The following MAP2 variants were observed in gnomAD, a reference collection of about 807,000 sequenced individuals.
The protein encoded by MAP2 is microtubule-associated protein 2.
Under a neutral mutation model 137.6 loss-of-function variants are expected in MAP2, and 14 were observed. The observed-to-expected ratio is 0.10, with a 90% CI of 0.07 to 0.16. MAP2 has a LOEUF of 0.16. MAP2 is among the 10% of genes least tolerant of loss of function. The pLI is 1.00. For synonymous variants in MAP2, 786 were observed against 782.3 expected, an observed-to-expected ratio of 1.00 and a Z score of -0.08; for missense variants, 2,088 against 2,191.5, an observed-to-expected ratio of 0.95 and a Z score of 0.94.
intron 1 of MAP2, among the ~76,000 whole-genome samples, chr2:209,505,043 TCTCTTTTTTCCTTTA>T (rs1031351453): frequency 6.6e-6 from 1 of 151,984 alleles, no homozygotes; most frequent in African/African-American, 2.4e-5. Context: ...TATTTTTTCT[TCTCTTTTTTCCTTTA>T]CTCTCCTAGT....
intron 1 of MAP2, among the ~76,000 whole-genome samples, chr2:209,496,029 C>T (rs185642639): frequency 5.8e-4 from 89 of 152,308 alleles, no homozygotes; most frequent in Non-Finnish European, 1.1e-3. Flanking sequence ...ATTGTTACGG[C>T]AGCTACAGCA....
chr2:209,448,594 A>G (rs947191485), intron 1 of MAP2, among the ~76,000 whole-genome samples: 10 of 152,262 alleles, frequency 6.6e-5, no homozygotes, highest in African/African-American at 2.2e-4. Context: ...GTCCCTATAG[A>G]GGTTCCAGGG....
chr2:209,466,965 G>A (rs1704283101), intron 1 of MAP2, among the ~76,000 whole-genome samples: 1 of 152,100 alleles, frequency 6.6e-6, no homozygotes. Context: ...TTTCTCTTGA[G>A]TGTGCCACTG....
intron 2 of MAP2, among the ~76,000 whole-genome samples, chr2:209,515,630 C>T (rs1307134902): frequency 2.0e-5 from 3 of 152,054 alleles, no homozygotes; most frequent in Non-Finnish European, 2.9e-5. Context: ...CCCACCTGGT[C>T]CCTCCCCTGA....
At chr2:209,580,142 A>G (rs193158469) in intron 3 of MAP2, 42 bp downstream of exon 3, 1 of 152,068 alleles carries the variant, frequency 6.6e-6, no homozygotes, top group East Asian at 1.9e-4. Context: ...AGGGAAAATC[A>G]GGGGAGAATT....
At chr2:209,501,688 T>C (rs2150123066) in intron 1 of MAP2, among the ~76,000 whole-genome samples, 1 of 152,306 alleles carries the variant, frequency 6.6e-6, no homozygotes, top group East Asian at 1.9e-4. Context: ...TTGACCTGTG[T>C]GTTTGAAATG....
chr2:209,480,846 T>C (rs1414894182), intron 1 of MAP2, among the ~76,000 whole-genome samples: 1 of 152,138 alleles, frequency 6.6e-6, no homozygotes, highest in Non-Finnish European at 1.5e-5. Context: ...AGTCTTGTTC[T>C]TCCTTCTTTC....
intron 3 of MAP2, among the ~76,000 whole-genome samples, chr2:209,623,683 A>G (rs1174349968): frequency 6.6e-6 from 1 of 152,100 alleles, no homozygotes; most frequent in Non-Finnish European, 1.5e-5. Flanking sequence ...AATAGTCTGA[A>G]GTTATTGTGC....
chr2:209,624,082 AGGTT>A (rs2091832602), intron 3 of MAP2, among the ~76,000 whole-genome samples: 2 of 152,168 alleles, frequency 1.3e-5, no homozygotes, highest in South Asian at 2.1e-4. Context: ...TGGTCCTTAG[AGGTT>A]CATACAGAAG....
intron 2 of MAP2, among the ~76,000 whole-genome samples, chr2:209,559,213 C>T (rs2071398187): frequency 6.6e-6 from 1 of 152,054 alleles, no homozygotes. Flanking sequence ...CCTTCTCTCT[C>T]CCCGCCGACG....
At chr2:209,546,134 C>T (rs1316182081) in intron 2 of MAP2, among the ~76,000 whole-genome samples, 2 of 152,032 alleles carry the variant, frequency 1.3e-5, no homozygotes, top group African/African-American at 4.8e-5. Context: ...CAGCGTGAGA[C>T]TCCGTCTCAA....
At chr2:209,452,770 A>G (rs1700610854) in intron 1 of MAP2, among the ~76,000 whole-genome samples, 1 of 152,204 alleles carries the variant, frequency 6.6e-6, no homozygotes, top group South Asian at 2.1e-4. Context: ...ATGCAACCTG[A>G]AACATGCAGA....
chr2:209,637,757 G>C (rs1398916574), intron 4 of MAP2, among the ~76,000 whole-genome samples: 1 of 152,036 alleles, frequency 6.6e-6, no homozygotes, highest in African/African-American at 2.4e-5. Context: ...AGGTTTAATA[G>C]AAGATTAATT....
chr2:209,608,133 A>C (rs1216134270), intron 3 of MAP2, among the ~76,000 whole-genome samples: 1 of 152,130 alleles, frequency 6.6e-6, no homozygotes, highest in Non-Finnish European at 1.5e-5. Context: ...ACTTGATTTC[A>C]CTCTTGACTC....
At chr2:209,539,895 C>A (rs1291060274) in intron 2 of MAP2, among the ~76,000 whole-genome samples, 7 of 124,924 alleles carry the variant, frequency 5.6e-5, no homozygotes, top group East Asian at 2.3e-4. Flanking sequence ...GCTAGGAGTT[C>A]AAGAACAGCC....
intron 1 of MAP2, among the ~76,000 whole-genome samples, chr2:209,427,805 C>T (rs188210287): frequency 1.3e-5 from 2 of 150,846 alleles, no homozygotes; most frequent in Admixed American, 1.3e-4. Context: ...AGGCCAAAGT[C>T]AAGGGAGACA....
intron 2 of MAP2, among the ~76,000 whole-genome samples, chr2:209,532,240 GAAA>G (rs796126529): frequency 2.8e-5 from 2 of 72,692 alleles, no homozygotes; most frequent in African/African-American, 4.3e-5. Flanking sequence ...CCAGTCTCAG[GAAA>G]AAAAAAAAAA....
intron 3 of MAP2, among the ~76,000 whole-genome samples, chr2:209,586,421 A>C (rs1236702700): frequency 6.6e-6 from 1 of 152,164 alleles, no homozygotes; most frequent in Non-Finnish European, 1.5e-5. Flanking sequence ...TAAAGAAAAA[A>C]TATGAGAAAC....
chr2:209,470,652 C>A (rs1705437334), intron 1 of MAP2, among the ~76,000 whole-genome samples: 1 of 152,000 alleles, frequency 6.6e-6, no homozygotes, highest in South Asian at 2.1e-4. Flanking sequence ...CAGCCACTGC[C>A]CCTGGCTGTT....
Sources: allele counts gnomAD v4.1 joint callset (sites outside exome capture counted in the v4.1 genomes callset), GRCh38; gene constraint gnomAD v4.1.1; transcripts MANE v1.5; gene names NCBI Gene and HGNC (gene_info 2026-07-23, HGNC 2026-07-21).